Variants in SEMA6A observed in about 807,000 individuals in gnomAD.
The protein encoded by SEMA6A is semaphorin-6A.
In SEMA6A, 25 loss-of-function variants were observed where a neutral mutation model predicts 96.8. The observed-to-expected ratio is 0.26, with a 90% confidence interval of 0.19 to 0.36. The LOEUF is 0.36. Ranked by LOEUF, SEMA6A falls within the 10% of genes least tolerant of loss-of-function variation. SEMA6A has a pLI of 1.00. For synonymous variants in SEMA6A, 612 were observed against 518.0 expected (o/e 1.18, Z -2.46); for missense variants, 1,363 against 1,323.1 (o/e 1.03, Z -0.47).
At chr5:116,526,701 T>A (rs907932483) in intron 1 of SEMA6A, among the ~76,000 whole-genome samples, 2 of 152,232 alleles carry the variant, frequency 1.3e-5, no homozygotes, top group African/African-American at 4.8e-5. Flanking sequence ...AAGAAGTTAC[T>A]ATAGATTGCA....
Position 116,444,435 on chromosome 5 carries a change from G to C in SEMA6A, c.*2178C>G, listed in dbSNP as rs972221753. 2 of 152,096 alleles carry C rather than the reference G, an allele frequency of 1.3e-5. No individual in the cohort carries two copies. The highest frequency in any genetic ancestry group is 2.9e-5 in the Non-Finnish European group (2 of 67,986). The allele number at this position is 152,096 out of a possible 1,614,324, so 9.4% of individuals were successfully genotyped here. The stretch of plus-strand genomic sequence containing the variant: ...AGTCTTTTTTTGAATTCTTTTTAAA[G>C]ACAAAACTAAACCCAGAAGATCGAA... On this transcript the variant is annotated 3_prime_UTR_variant, in exon 19 of 19. Coordinates refer to ENST00000343348, the MANE Select transcript of SEMA6A (RefSeq NM_020796.5).
At chr5:116,468,937 A>G (rs1011520333) in intron 17 of SEMA6A, 1 of 149,788 alleles carries the variant, frequency 6.7e-6, no homozygotes, top group Non-Finnish European at 1.5e-5. Flanking sequence ...GATTAAAAGA[A>G]TAAGTACAGT....
intron 18 of SEMA6A, among the ~76,000 whole-genome samples, chr5:116,463,401 T>C (rs1190975100): frequency 6.6e-6 from 1 of 152,238 alleles, no homozygotes; most frequent in Non-Finnish European, 1.5e-5. Flanking sequence ...AAGAGAATTA[T>C]TGATAACATC....
chr5:116,447,323 C>T lies in SEMA6A; in HGVS notation c.2383G>A (p.Gly795Ser), dbSNP rs114860630. 27,314 of 1,613,790 alleles carry T rather than the reference C, an allele frequency of 0.017. 282 individuals are homozygous for T. Among genetic ancestry groups the T allele is most frequent in the Non-Finnish European group, 0.021 (24,257 of 1,179,886 alleles). Residue 795 changes from glycine to serine, a missense_variant, in exon 19 of 19, where the codon GGC becomes AGC. This residue lies in a region of SEMA6A where 883 missense variants were observed against 763.6 expected (regional missense o/e 1.16). Transcript: ENST00000343348. ...NACTKDMPPM[G>S]SPVIPTDLPL... is the part of the protein sequence containing the mutation. ...AGGTCCGTGGGAATCACAGGGGAGC[C>T]CATGGGGGGCATGTCCTTTGTGCAG...
chr5:116,498,911 C>A (rs1435166423), intron 3 of SEMA6A: 3 of 152,098 alleles, frequency 2.0e-5, no homozygotes, highest in Admixed American at 2.0e-4. Context: ...ATTGGCAGCT[C>A]CTCAGAAAGC....
chr5:116,476,626 C>T (rs936715579), intron 15 of SEMA6A, among the ~76,000 whole-genome samples: 51 of 152,176 alleles, frequency 3.4e-4, no homozygotes, highest in African/African-American at 1.2e-3. Context: ...CTTAAGGAAA[C>T]TATTTTGGGG....
intron 17 of SEMA6A, chr5:116,471,747 A>G (rs927149893): frequency 6.6e-6 from 1 of 152,212 alleles, no homozygotes; most frequent in Non-Finnish European, 1.5e-5. Context: ...TCCAATGTAT[A>G]AGCCAGTCTT....
intron 18 of SEMA6A, chr5:116,449,311 AG>A (rs1472205283): frequency 5.7e-6 from 4 of 702,332 alleles, no homozygotes; most frequent in Non-Finnish European, 7.8e-6. Context: ...AAGACAGAAA[AG>A]GTACCTTCTC....
At chr5:116,561,675 ATCTGCTAGAGAAC>A (rs1760822758) in intron 1 of SEMA6A, among the ~76,000 whole-genome samples, 1 of 152,240 alleles carries the variant, frequency 6.6e-6, no homozygotes, top group Admixed American at 6.5e-5. Context: ...ATGTTGGAAG[ATCTGCTAGAGAAC>A]TGGATGTAGC....
intron 1 of SEMA6A, among the ~76,000 whole-genome samples, chr5:116,560,399 A>G (rs1760773826): frequency 6.6e-6 from 1 of 151,714 alleles, no homozygotes; most frequent in African/African-American, 2.4e-5. Context: ...AGTGTGTAGA[A>G]CTTTTCCTTG....
chr5:116,447,522 G>A lies in SEMA6A; in HGVS notation c.2184C>T (p.His728=), dbSNP rs770742453. The part of the protein sequence containing the change: ...KPEAILTPLM[H]NGKLATPGNT... Reference sequence around the variant, plus strand: ...TGCCGGGAGTGGCGAGCTTGCCGTTGTGCATGAGTGGCGTGAGGATGGCCT... The same window carrying A: ...TGCCGGGAGTGGCGAGCTTGCCGTTATGCATGAGTGGCGTGAGGATGGCCT... The change falls in exon 19 of 19, where the codon CAC becomes CAT. Residue 728 remains histidine (H), a synonymous_variant. Transcript: ENST00000343348. 4.3e-6 allele frequency: 7 copies of A among 1,614,088 alleles called. No homozygotes were observed. The South Asian group carries it at 7.7e-5, about 18-fold the overall frequency.
chr5:116,522,363 GA>G (rs1758996965), intron 1 of SEMA6A, among the ~76,000 whole-genome samples: 2 of 152,192 alleles, frequency 1.3e-5, no homozygotes, highest in African/African-American at 2.4e-5. Flanking sequence ...AAACTAGAAA[GA>G]AAAAAGGATT....
chr5:116,546,911 C>T (rs931719768), intron 1 of SEMA6A, among the ~76,000 whole-genome samples: 1 of 152,212 alleles, frequency 6.6e-6, no homozygotes, highest in African/African-American at 2.4e-5. Context: ...CAAACACAGG[C>T]TTCAGCCTGA....
At position 116,486,775 on chromosome 5, in the gene SEMA6A, C is replaced by T; in HGVS notation, c.936G>A (p.Leu312=). 6.2e-7 allele frequency: 1 copy of T among 1,613,678 alleles called. No individual in the cohort carries two copies. The change falls in exon 10 of 19, where the codon CTG becomes CTA. Residue 312 remains leucine (L), a synonymous_variant. Transcript: ENST00000343348. ...VIRINGRDVV[L]ATFSTPYNSI... Reference sequence around the variant, plus strand: ...TGTTATAAGGTGTAGAAAACGTTGCCAGGACAACATCACGCCCGTTGATAC... The same window carrying T: ...TGTTATAAGGTGTAGAAAACGTTGCTAGGACAACATCACGCCCGTTGATAC...
At chr5:116,496,053 G>A in intron 5 of SEMA6A, 198 bp downstream of exon 5, 1 of 520,346 alleles carries the variant, frequency 1.9e-6, no homozygotes. Context: ...TGCAGGCCTA[G>A]CAGCTGTTGT....
At chr5:116,522,896 G>C (rs752740287) in intron 1 of SEMA6A, among the ~76,000 whole-genome samples, 21 of 152,270 alleles carry the variant, frequency 1.4e-4, no homozygotes, top group African/African-American at 4.8e-4. Flanking sequence ...AGCTGAATGA[G>C]TGTCCTCCCC....
At chr5:116,509,723 G>A (rs561779190) in intron 1 of SEMA6A, among the ~76,000 whole-genome samples, 19 of 152,152 alleles carry the variant, frequency 1.2e-4, no homozygotes, top group East Asian at 1.9e-4. Context: ...AGGTAGGGGC[G>A]GCAGGGGGAA....
chr5:116,541,323 G>A (rs192883936), intron 1 of SEMA6A, among the ~76,000 whole-genome samples: 2 of 152,214 alleles, frequency 1.3e-5, no homozygotes, highest in Admixed American at 6.5e-5. Context: ...GGTAAGAGGG[G>A]TAAGAATCAC....
At chr5:116,492,835 ATT>A (rs1487671046) in intron 6 of SEMA6A, among the ~76,000 whole-genome samples, 2 of 152,192 alleles carry the variant, frequency 1.3e-5, no homozygotes, top group Non-Finnish European at 2.9e-5. Context: ...AAGACTGGTC[ATT>A]GTTTTCACTT....
Sources: gnomAD v4.1 joint callset for allele counts (sites outside exome capture counted in the v4.1 genomes callset) on GRCh38, gnomAD v4.1.1 for gene constraint, gnomAD v4.1.1 regional missense constraint, MANE v1.5 for transcripts, NCBI Gene and HGNC (gene_info 2026-07-23, HGNC 2026-07-21) for gene names.